TENM4: variants seen among roughly 807,000 people sequenced by gnomAD.
The protein encoded by TENM4 is teneurin transmembrane protein 4, also known as teneurin-4.
A neutral mutation model predicts 243.3 loss-of-function variants in TENM4; 82 were observed. That is an observed-to-expected ratio of 0.34 (90% CI 0.28 to 0.40). The LOEUF (loss-of-function observed/expected upper bound fraction) is 0.40. Ranked by LOEUF, TENM4 falls within the 10% of genes least tolerant of loss-of-function variation. The pLI, the probability that TENM4 is intolerant of heterozygous loss-of-function variation, is 1.00. For missense variants in TENM4, 3,138 were observed against 3,673.3 expected (o/e 0.85, Z 3.77); for synonymous variants, 1,412 against 1,456.3 (o/e 0.97, Z 0.69).
chr11:79,099,799 G>A (rs1466623678), intron 4 of TENM4, among the ~76,000 whole-genome samples: 2 of 152,214 alleles, frequency 1.3e-5, no homozygotes, highest in Non-Finnish European at 2.9e-5. Context: ...AGCAAGCTCT[G>A]CTGTCACCAC....
chr11:79,123,034 A>G (rs141375743), intron 4 of TENM4, among the ~76,000 whole-genome samples: 2 of 152,314 alleles, frequency 1.3e-5, no homozygotes, highest in African/African-American at 4.8e-5. Flanking sequence ...GCTCTTCCTG[A>G]TGCCAGTGGG....
At chr11:78,906,215 A>C (rs1286492681) in intron 6 of TENM4, among the ~76,000 whole-genome samples, 3 of 152,250 alleles carry the variant, frequency 2.0e-5, no homozygotes, top group Non-Finnish European at 4.4e-5. Flanking sequence ...TGCTCACAAC[A>C]ACCCTTCGGG....
At chr11:79,240,560 TA>T (rs1297112647) in intron 2 of TENM4, among the ~76,000 whole-genome samples, 1 of 152,158 alleles carries the variant, frequency 6.6e-6, no homozygotes, top group Non-Finnish European at 1.5e-5. Context: ...ACACAACTAA[TA>T]AATGGTAAAC....
At chr11:79,075,667 A>G (rs1480379849) in intron 4 of TENM4, among the ~76,000 whole-genome samples, 1 of 152,236 alleles carries the variant, frequency 6.6e-6, no homozygotes, top group Non-Finnish European at 1.5e-5. Flanking sequence ...GCCTCAGGCT[A>G]AACAAAGAGG....
At chr11:78,910,674 T>C (rs977897669) in intron 6 of TENM4, among the ~76,000 whole-genome samples, 64 of 152,222 alleles carry the variant, frequency 4.2e-4, no homozygotes, top group African/African-American at 1.5e-3. Flanking sequence ...ACAATCAGTA[T>C]TATTGTTACC....
In TENM4 at chr11:78,814,407, A is replaced by G. The variant is rs1857562485; in HGVS notation, c.1682-12T>C. 1.3e-6 allele frequency: 2 copies of G among 1,545,922 alleles called. No individual in the cohort carries two copies. Among genetic ancestry groups the G allele is most frequent in the East Asian group, 2.5e-5 (1 of 40,458 alleles). ...GTTATCCACCGACTCTGGGGAGAGA[A>G]AGGAGAAGGAGAGTTGAAAACAAAT... On this transcript the variant is annotated splice_polypyrimidine_tract_variant and intron_variant, in intron 12 of 33. Coordinates refer to ENST00000278550, the MANE Select transcript of TENM4 (RefSeq NM_001098816.3).
intron 1 of TENM4, among the ~76,000 whole-genome samples, chr11:79,425,283 G>A (rs1375464466): frequency 6.6e-6 from 1 of 152,114 alleles, no homozygotes; most frequent in Non-Finnish European, 1.5e-5. Context: ...CTCACCCCCT[G>A]CAGGAAGCTT....
intron 6 of TENM4, among the ~76,000 whole-genome samples, chr11:78,925,070 C>T (rs1856525433): frequency 6.6e-6 from 1 of 152,176 alleles, no homozygotes; most frequent in Admixed American, 6.5e-5. Context: ...TCTTTCTGTT[C>T]TTATTTGAGT....
intron 15 of TENM4, among the ~76,000 whole-genome samples, chr11:78,793,719 C>T (rs568321689): frequency 3.9e-5 from 6 of 152,346 alleles, no homozygotes; most frequent in Middle Eastern, 3.4e-3. Flanking sequence ...TCATTAAATT[C>T]TCTCAATAGT....
chr11:78,888,622 A>G (rs1855596156), intron 9 of TENM4, among the ~76,000 whole-genome samples: 1 of 152,180 alleles, frequency 6.6e-6, no homozygotes, highest in Non-Finnish European at 1.5e-5. Context: ...TGTATTAATC[A>G]TTCTTAGTGA....
At chr11:78,879,466 A>G (rs1277689424) in intron 9 of TENM4, among the ~76,000 whole-genome samples, 4 of 12,612 alleles carry the variant, frequency 3.2e-4, no homozygotes, top group Admixed American at 8.6e-4. Flanking sequence ...CCCGGCCGCC[A>G]CACCGTCTGG....
intron 20 of TENM4, among the ~76,000 whole-genome samples, chr11:78,738,033 G>A (rs960547195): frequency 6.6e-6 from 1 of 152,180 alleles, no homozygotes; most frequent in African/African-American, 2.4e-5. Context: ...ATGGTTCTTG[G>A]AGGAATTCAA....
chr11:78,916,226 A>C (rs1856313207), intron 6 of TENM4, among the ~76,000 whole-genome samples: 2 of 152,320 alleles, frequency 1.3e-5, no homozygotes, highest in South Asian at 4.1e-4. Context: ...CATCTGTAAA[A>C]TGGGGATAAT....
chr11:78,893,702 A>AC (rs1216598270), intron 7 of TENM4, among the ~76,000 whole-genome samples: 1 of 150,540 alleles, frequency 6.6e-6, no homozygotes, highest in Non-Finnish European at 1.5e-5. Context: ...TTAGCTTCTT[A>AC]CCCTAACTAA....
chr11:78,875,756 C>G (rs1013437823), intron 9 of TENM4, among the ~76,000 whole-genome samples: 1 of 152,186 alleles, frequency 6.6e-6, no homozygotes, highest in African/African-American at 2.4e-5. Flanking sequence ...TTGCACTTAA[C>G]AAATACTTAC....
At chr11:78,683,741 C>T (rs1050038044) in intron 29 of TENM4, among the ~76,000 whole-genome samples, 1 of 151,782 alleles carries the variant, frequency 6.6e-6, no homozygotes, top group East Asian at 1.9e-4. Flanking sequence ...CCATCTTCTG[C>T]GTCGCTCACG....
chr11:79,155,303 A>G (rs555494554), intron 3 of TENM4, among the ~76,000 whole-genome samples: 1 of 151,430 alleles, frequency 6.6e-6, no homozygotes, highest in Non-Finnish European at 1.5e-5. Flanking sequence ...TCTAGGGCAA[A>G]GCTTCCAGCC....
intron 6 of TENM4, among the ~76,000 whole-genome samples, chr11:78,983,326 C>G (rs1011732827): frequency 2.0e-5 from 3 of 152,190 alleles, no homozygotes; most frequent in African/African-American, 7.2e-5. Flanking sequence ...GGGTTGCCCA[C>G]TCTATGTCAA....
At chr11:78,920,824 T>G in intron 6 of TENM4, among the ~76,000 whole-genome samples, 1 of 152,206 alleles carries the variant, frequency 6.6e-6, no homozygotes, top group South Asian at 2.1e-4. Context: ...TGTATTTGAG[T>G]CTGTGGCTGT....
Sources: allele counts gnomAD v4.1 joint callset (sites outside exome capture counted in the v4.1 genomes callset), GRCh38; gene constraint gnomAD v4.1.1; transcripts MANE v1.5; gene names NCBI Gene and HGNC (gene_info 2026-07-23, HGNC 2026-07-21).